The following MNDA variants were observed in gnomAD, a reference collection of about 807,000 sequenced individuals.
The protein encoded by MNDA is epididymis secretory sperm binding protein.
A neutral mutation model predicts 37.8 loss-of-function variants in MNDA; 43 were observed. The ratio of observed to expected loss-of-function variants is 1.14; its 90% CI spans 0.89 to 1.47. MNDA has a LOEUF of 1.47. MNDA is among the 40% of genes most tolerant of loss of function. MNDA has a pLI of 0.00. For synonymous variants in MNDA, 181 were observed against 169.0 expected (o/e 1.07, Z -0.55); for missense variants, 536 against 476.0 (o/e 1.13, Z -1.17).
rs1460808398 is a variant in MNDA at position 158,847,675 on chromosome 1, C to T, written c.988-53C>T. On this transcript the variant is annotated intron_variant, in intron 5 of 6. Coordinates refer to ENST00000368141, the MANE Select transcript of MNDA (RefSeq NM_002432.3). ...ACTTTGTCATGAGACTCTTTCTCATCTATATGATACTAACAATCCTCTCAG... is the reference window on the plus strand; with the variant it reads ...ACTTTGTCATGAGACTCTTTCTCATTTATATGATACTAACAATCCTCTCAG... The T allele has an allele frequency of 2.0e-6, 3 of 1,518,700 alleles. No individual in the cohort carries two copies. In the East Asian group the frequency reaches 6.8e-5, roughly 34 times the overall value. 94.1% of individuals were successfully genotyped at this position (1,518,700 alleles called of 1,614,324 possible).
At chr1:158,842,636 G>A in intron 2 of MNDA, 2 of 373,072 alleles carry the variant, frequency 5.4e-6, no homozygotes, top group African/African-American at 2.1e-5. Flanking sequence ...TTGAGGTAAG[G>A]ATAAAAAACC....
At chr1:158,845,449 C>T in intron 4 of MNDA, 138 bp from the exon 5 acceptor site, 1 of 773,162 alleles carries the variant, frequency 1.3e-6, no homozygotes, top group South Asian at 2.0e-5. Flanking sequence ...ACCATGTTAG[C>T]CAGGATGGTC....
In MNDA at chr1:158,844,937, T is replaced by A. The variant is rs79645866; in HGVS notation, c.571-650T>A. ...TCTTTAAAGTTTCTTCACAACAATGTTTTCATCATCTGCTACTCTAGATTG... is the reference window on the plus strand; with the variant it reads ...TCTTTAAAGTTTCTTCACAACAATGATTTCATCATCTGCTACTCTAGATTG... On this transcript the variant is annotated intron_variant, in intron 4 of 6. Coordinates refer to ENST00000368141, the MANE Select transcript of MNDA (RefSeq NM_002432.3). Among the ~76,000 whole-genome samples, 929 of 152,268 alleles carry A rather than the reference T, an allele frequency of 6.1e-3. 3 individuals are homozygous for A. The highest frequency in any genetic ancestry group is 6.9e-3 in the Non-Finnish European group (470 of 68,014).
chr1:158,849,332 G>A lies in MNDA; in HGVS notation c.*95G>A. ...GTAAATTTCAGTAATTCATTTAAAT[G>A]ATGTTTCAGTAGATATATTCTAGCA... On this transcript the variant is annotated 3_prime_UTR_variant, in exon 7 of 7. Coordinates refer to ENST00000368141, the MANE Select transcript of MNDA (RefSeq NM_002432.3). The A allele has an allele frequency of 9.1e-7, 1 of 1,102,468 alleles. No individual in the cohort carries two copies. The highest frequency in any genetic ancestry group is 1.4e-5 in the South Asian group (1 of 70,276). The allele number at this position is 1,102,468 out of a possible 1,614,324, so 68.3% of individuals were successfully genotyped here.
rs767743040 is a variant in MNDA at position 158,842,317 on chromosome 1, A to T, written c.164A>T (p.Lys55Met). Residue 55 changes from lysine to methionine, a missense_variant, in exon 2 of 7, where the codon AAG becomes ATG. Transcript: ENST00000368141. ...AAGATTACAGATTTGATGGAAAAAA[A>T]GTTCCAAGGCGTTGCCTGTCTAGAC... ...RIKITDLMEK[K>M]FQGVACLDKL... The T allele has an allele frequency of 1.9e-6, 3 of 1,614,202 alleles. No individual in the cohort carries two copies. Among genetic ancestry groups the T allele is most frequent in the Non-Finnish European group, 2.5e-6 (3 of 1,180,016 alleles).
intron 1 of MNDA, among the ~76,000 whole-genome samples, chr1:158,836,878 T>G (rs752556454): frequency 5.9e-5 from 9 of 151,928 alleles, no homozygotes; most frequent in Non-Finnish European, 1.2e-4. Flanking sequence ...CACCATATTC[T>G]TTGCATTTAA....
chr1:158,849,356 C>A lies in MNDA; in HGVS notation c.*119C>A. ...TGATGTTTCAGTAGATATATTCTAG[C>A]ATATTAAGAGCTTTTATAACTGAGT... On this transcript the variant is annotated 3_prime_UTR_variant, in exon 7 of 7. Coordinates refer to ENST00000368141, the MANE Select transcript of MNDA (RefSeq NM_002432.3). 2.4e-6 allele frequency: 2 copies of A among 824,994 alleles called. No homozygotes were observed. The highest frequency in any genetic ancestry group is 2.9e-5 in the East Asian group (1 of 33,978). 51.1% of individuals were successfully genotyped at this position (824,994 alleles called of 1,614,324 possible). A position where few individuals can be genotyped will look rare whatever the true frequency, so the allele number is the denominator to read the frequency against.
Position 158,845,639 on chromosome 1 carries a change from A to C in MNDA, c.623A>C (p.Gln208Pro), listed in dbSNP as rs1571660134. ...RQVDARRNVP[Q>P]NDPVTVVVLK... ...GTGGATGCAAGAAGAAATGTTCCCCAAAACGACCCAGTGACAGTGGTGGTA... is the reference window on the plus strand; with the variant it reads ...GTGGATGCAAGAAGAAATGTTCCCCCAAACGACCCAGTGACAGTGGTGGTA... Residue 208 changes from glutamine (Q) to proline (P), a missense_variant, in exon 5 of 7, where the codon CAA becomes CCA. Coordinates refer to ENST00000368141, the MANE Select transcript of MNDA (RefSeq NM_002432.3). The C allele has an allele frequency of 1.9e-6, 3 of 1,613,928 alleles. No individual in the cohort carries two copies. Among genetic ancestry groups the C allele is most frequent in the Non-Finnish European group, 1.7e-6 (2 of 1,179,894 alleles).
rs140169214 is a variant in MNDA, at chr1:158,832,590, CAG to C, written c.-21+1035_-21+1036del. Among the ~76,000 whole-genome samples the C allele has an allele frequency of 2.1e-3, 323 of 151,154 alleles. 7 individuals carry two copies. The East Asian group carries it at 0.059, about 27-fold the overall frequency. On this transcript the variant is annotated intron_variant, in intron 1 of 6. Coordinates refer to ENST00000368141, the MANE Select transcript of MNDA (RefSeq NM_002432.3). ...TATATGCTACTTTATAAAGTAATAA[CAG>C]ATTATATTTATAATATAATTTAAAT... is the stretch of plus-strand genomic sequence containing the variant.
chr1:158,842,500 G>T, intron 2 of MNDA, 82 bp downstream of exon 2: 1 of 1,434,480 alleles, frequency 7.0e-7, no homozygotes, highest in Non-Finnish European at 9.5e-7. Flanking sequence ...GTCATAGCTG[G>T]TACATCCCTT....
chr1:158,833,760 C>T (rs1445089414), intron 1 of MNDA, among the ~76,000 whole-genome samples: 1 of 152,134 alleles, frequency 6.6e-6, no homozygotes, highest in Non-Finnish European at 1.5e-5. Flanking sequence ...CATTGAAGGA[C>T]ACTTGTAATA....
rs1659202606 is a variant in MNDA at position 158,849,256 on chromosome 1, CAACA to C, written c.*25_*28del. The C allele has an allele frequency of 6.2e-7, 1 of 1,604,554 alleles. No homozygotes were observed. The highest frequency in any genetic ancestry group is 1.3e-5 in the African/African-American group (1 of 74,584). On this transcript the variant is annotated 3_prime_UTR_variant, in exon 7 of 7. Transcript: ENST00000368141. The stretch of plus-strand genomic sequence containing the variant: ...TAATTGAAATATGAAAGCTGAAATG[CAACA>C]AACAACTTCCGCTTAAAACAATTAA...
intron 1 of MNDA, among the ~76,000 whole-genome samples, chr1:158,839,031 TAAGAGTG>T (rs1480065382): frequency 2.0e-5 from 3 of 152,310 alleles, no homozygotes; most frequent in African/African-American, 7.2e-5. Context: ...TTATCATATT[TAAGAGTG>T]CTGTTTTAGT....
chr1:158,843,321 A>C lies in MNDA; in HGVS notation c.308A>C (p.Lys103Thr). The change falls in exon 3 of 7, where the codon AAA becomes ACA. Residue 103 changes from lysine to threonine, a missense_variant. Lys to Thr is a moderately conservative substitution (Grantham distance 78, BLOSUM62 -1). Transcript: ENST00000368141. ...ACACAAGAAAAAGCTCCAGTGAAAA[A>C]AATAAACCAGGAAGAAGTGGGTCTT... ...IKTQEKAPVK[K>T]INQEEVGLAA... 1 of 1,611,770 alleles carries C rather than the reference A, an allele frequency of 6.2e-7. No homozygotes were observed.
chr1:158,848,404 A>C (rs57714945), intron 6 of MNDA, among the ~76,000 whole-genome samples: 120,579 of 151,394 alleles, frequency 0.8, 48,089 homozygotes, highest in African/African-American at 0.85. Flanking sequence ...GGAAGGTAAA[A>C]ATTGGAGGGA....
At position 158,838,365 on chromosome 1, in the gene MNDA, A is replaced by G. The variant is rs857867; in HGVS notation, c.-20-3769A>G. ...AGGTTTCCCAGATATAGCATTTTTGATGGACAGACTTTTCTTTAAACACTT... is the reference window on the plus strand; with the variant it reads ...AGGTTTCCCAGATATAGCATTTTTGGTGGACAGACTTTTCTTTAAACACTT... On this transcript the variant is annotated intron_variant, in intron 1 of 6. Coordinates refer to ENST00000368141, the MANE Select transcript of MNDA (RefSeq NM_002432.3). Among the ~76,000 whole-genome samples the G allele has an allele frequency of 4.2e-3, 639 of 152,136 alleles. 7 individuals carry two copies. The highest frequency in any genetic ancestry group is 6.3e-3 in the Non-Finnish European group (431 of 67,918).
chr1:158,847,164 G>A (rs965952777), intron 5 of MNDA, among the ~76,000 whole-genome samples: 2 of 152,130 alleles, frequency 1.3e-5, no homozygotes, highest in African/African-American at 4.8e-5. Flanking sequence ...GAAGCGGGAG[G>A]CTGGGAGGGA....
At chr1:158,838,113 A>G (rs186529374) in intron 1 of MNDA, among the ~76,000 whole-genome samples, 16 of 152,094 alleles carry the variant, frequency 1.1e-4, no homozygotes, top group Middle Eastern at 3.4e-3. Context: ...ATAATAAAAA[A>G]TGATTACAAA....
chr1:158,843,865 GA>G lies in MNDA; in HGVS notation c.403-88del, dbSNP rs1272282851. On this transcript the variant is annotated intron_variant, in intron 3 of 6. Coordinates refer to ENST00000368141, the MANE Select transcript of MNDA (RefSeq NM_002432.3). Reference sequence around the variant, plus strand: ...AAGGACATCCCATCCAACATAAATAGAACTTACTATGTTGTAATGAAAAAAT... The same window carrying G: ...AAGGACATCCCATCCAACATAAATAGACTTACTATGTTGTAATGAAAAAAT... 1.8e-5 allele frequency: 21 copies of G among 1,177,806 alleles called. No individual in the cohort carries two copies. The African/African-American group carries it at 2.9e-4, about 16-fold the overall frequency. 73.0% of individuals were successfully genotyped at this position (1,177,806 alleles called of 1,614,324 possible).
Sources: allele counts gnomAD v4.1 joint callset (sites outside exome capture counted in the v4.1 genomes callset), GRCh38; gene constraint gnomAD v4.1.1; transcripts MANE v1.5; gene names NCBI Gene and HGNC (gene_info 2026-07-23, HGNC 2026-07-21).